Variants in KHDRBS3 observed in about 807,000 individuals in gnomAD.
KHDRBS3 encodes the protein KH RNA binding domain containing, signal transduction associated 3, also known as KH domain-containing, RNA-binding, signal transduction-associated protein 3.
Under a neutral mutation model 45.6 loss-of-function variants are expected in KHDRBS3, and 23 were observed. That is an observed-to-expected ratio of 0.50 (90% CI 0.36 to 0.72). The LOEUF is 0.72. KHDRBS3 is among the 30% of genes least tolerant of loss of function. KHDRBS3 has a pLI of 0.00. For synonymous variants in KHDRBS3, 162 were observed against 156.5 expected (o/e 1.04, Z -0.26); for missense variants, 352 against 424.8 (o/e 0.83, Z 1.51).
intron 1 of KHDRBS3, 84 bp downstream of exon 1, chr8:135,458,038 C>T (rs1821207054): frequency 6.9e-7 from 1 of 1,458,100 alleles, no homozygotes. Flanking sequence ...CCTCCGTGCC[C>T]TCTGCTGTCA....
intron 1 of KHDRBS3, among the ~76,000 whole-genome samples, chr8:135,492,968 A>G (rs982579580): frequency 3.9e-5 from 6 of 152,066 alleles, no homozygotes; most frequent in Admixed American, 2.0e-4. Flanking sequence ...ATATGTCTTT[A>G]TTATTTACAT....
intron 7 of KHDRBS3, among the ~76,000 whole-genome samples, chr8:135,617,260 A>C (rs1394002969): frequency 8.1e-6 from 1 of 123,578 alleles, no homozygotes; most frequent in Non-Finnish European, 1.7e-5. Flanking sequence ...ATTTTATTTT[A>C]TTTTATTTTA....
chr8:135,476,574 C>G (rs1295028042), intron 1 of KHDRBS3, among the ~76,000 whole-genome samples: 1 of 152,196 alleles, frequency 6.6e-6, no homozygotes, highest in Non-Finnish European at 1.5e-5. Context: ...ACTTGCTTTT[C>G]CCTCTGCCTT....
intron 6 of KHDRBS3, among the ~76,000 whole-genome samples, chr8:135,589,965 C>T (rs1828672588): frequency 6.6e-6 from 1 of 152,110 alleles, no homozygotes; most frequent in Non-Finnish European, 1.5e-5. Context: ...AAAGACAATG[C>T]AATTTAATAT....
At chr8:135,591,185 G>A (rs1828726891) in intron 6 of KHDRBS3, among the ~76,000 whole-genome samples, 1 of 152,174 alleles carries the variant, frequency 6.6e-6, no homozygotes, top group Non-Finnish European at 1.5e-5. Context: ...TTAAAGCCCA[G>A]CGTTCTGGCT....
At chr8:135,465,770 C>T (rs2130135505) in intron 1 of KHDRBS3, among the ~76,000 whole-genome samples, 1 of 152,290 alleles carries the variant, frequency 6.6e-6, no homozygotes, top group East Asian at 1.9e-4. Context: ...CGTCAATCAG[C>T]CCCTGCTGCT....
At chr8:135,513,497 T>C (rs1319519174) in intron 1 of KHDRBS3, among the ~76,000 whole-genome samples, 2 of 152,228 alleles carry the variant, frequency 1.3e-5, no homozygotes, top group Admixed American at 1.3e-4. Context: ...TATAATTAAG[T>C]ACCATAGCAG....
intron 1 of KHDRBS3, among the ~76,000 whole-genome samples, chr8:135,471,274 C>G (rs1822001174): frequency 6.6e-6 from 1 of 152,200 alleles, no homozygotes; most frequent in Non-Finnish European, 1.5e-5. Context: ...ATAATCTATT[C>G]AGGCTTCAGA....
intron 5 of KHDRBS3, among the ~76,000 whole-genome samples, chr8:135,574,871 C>T (rs1329413828): frequency 6.6e-6 from 1 of 152,134 alleles, no homozygotes; most frequent in Non-Finnish European, 1.5e-5. Flanking sequence ...ATTCTAACCA[C>T]TTTATGTGCA....
At chr8:135,589,240 T>A (rs1828627155) in intron 6 of KHDRBS3, among the ~76,000 whole-genome samples, 1 of 152,180 alleles carries the variant, frequency 6.6e-6, no homozygotes, top group South Asian at 2.1e-4. Flanking sequence ...GTTCCTTTCC[T>A]TAAATAATGT....
At position 135,656,027 on chromosome 8, in the gene KHDRBS3, TTGTC is replaced by T. The variant is rs796828649; in HGVS notation, c.*118-193_*118-190del. ...AATCATCATTAAACCAGTTAATCAT[TTGTC>T]TGTCTTTATTGAACACAAATATTTT... On this transcript the variant is annotated intron_variant and NMD_transcript_variant, in intron 4 of 4. Transcript: ENST00000521461. Among the ~76,000 whole-genome samples the T allele has an allele frequency of 2.0e-4, 31 of 152,316 alleles. 1 individual carries two copies. The highest frequency in any genetic ancestry group is 7.5e-4 in the African/African-American group (31 of 41,554).
At chr8:135,509,974 C>G (rs867404192) in intron 1 of KHDRBS3, among the ~76,000 whole-genome samples, 1 of 122,938 alleles carries the variant, frequency 8.1e-6, no homozygotes, top group Non-Finnish European at 1.6e-5. Context: ...TTCCCCCCCC[C>G]TTTTTTTTTT....
chr8:135,635,576 G>T (rs563146164), intron 7 of KHDRBS3, among the ~76,000 whole-genome samples: 3 of 152,238 alleles, frequency 2.0e-5, no homozygotes, highest in East Asian at 3.9e-4. Flanking sequence ...GGAGAAGGGG[G>T]TTCACCACAT....
intron 4 of KHDRBS3, among the ~76,000 whole-genome samples, chr8:135,553,779 C>G (rs1826735072): frequency 6.6e-6 from 1 of 152,136 alleles, no homozygotes; most frequent in Admixed American, 6.5e-5. Flanking sequence ...GTAGTCAAGT[C>G]CTGCTTACAC....
rs575396662 is a variant in KHDRBS3, at chr8:135,487,239, T to G, written c.88+29285T>G. On this transcript the variant is annotated intron_variant, in intron 1 of 8. Coordinates refer to ENST00000355849, the MANE Select transcript of KHDRBS3 (RefSeq NM_006558.3). ...AGCTCAATAAATGAAAGAAACGTGG[T>G]TCCTCCTGCAACCTATCATGTATAC... 3.0e-4 allele frequency among the ~76,000 whole-genome samples: 45 copies of G among 152,318 alleles called. No individual in the cohort carries two copies. The South Asian group carries it at 9.1e-3, about 31-fold the overall frequency.
intron 8 of KHDRBS3, among the ~76,000 whole-genome samples, chr8:135,646,630 C>T (rs1197560389): frequency 6.6e-6 from 1 of 152,144 alleles, no homozygotes; most frequent in African/African-American, 2.4e-5. Flanking sequence ...TTTTCCCATT[C>T]TCTTTTTCAC....
intron 6 of KHDRBS3, among the ~76,000 whole-genome samples, chr8:135,591,569 A>G (rs1035601055): frequency 6.6e-6 from 1 of 152,188 alleles, no homozygotes; most frequent in Non-Finnish European, 1.5e-5. Context: ...TGCTACCATA[A>G]ATGGTGCCCT....
intron 1 of KHDRBS3, among the ~76,000 whole-genome samples, chr8:135,511,624 C>T (rs769562074): frequency 5.3e-5 from 8 of 152,192 alleles, no homozygotes; most frequent in South Asian, 2.1e-4. Flanking sequence ...GGCGCGATCT[C>T]GGCTCACTGC....
chr8:135,513,864 CT>C lies in KHDRBS3; in HGVS notation c.89-7363del, dbSNP rs113324605. ...CTATAGTCATGTCTCCTCTGCCCCT[CT>C]TTTTTTTTTCCTTCATCTACTTTAT... On this transcript the variant is annotated intron_variant, in intron 1 of 8. Coordinates refer to ENST00000355849, the MANE Select transcript of KHDRBS3 (RefSeq NM_006558.3). 4.2e-3 allele frequency among the ~76,000 whole-genome samples: 633 copies of C among 149,476 alleles called. 10 individuals are homozygous for C. Among genetic ancestry groups the C allele is most frequent in the African/African-American group, 0.014 (562 of 40,874 alleles).
Sources: gnomAD v4.1 joint callset for allele counts (sites outside exome capture counted in the v4.1 genomes callset) on GRCh38, gnomAD v4.1.1 for gene constraint, MANE v1.5 for transcripts, NCBI Gene and HGNC (gene_info 2026-07-23, HGNC 2026-07-21) for gene names.